Variants in SHROOM3 observed in about 807,000 individuals in gnomAD.
SHROOM3 encodes shroom family member 3.
In SHROOM3, 47 loss-of-function variants were observed where a neutral mutation model predicts 138.6. The ratio of observed to expected loss-of-function variants is 0.34; its 90% CI spans 0.27 to 0.43. The LOEUF is 0.43. Ranked by LOEUF, SHROOM3 falls within the 20% of genes least tolerant of loss-of-function variation. The pLI, the probability that SHROOM3 is intolerant of heterozygous loss-of-function variation, is 1.00. For missense variants in SHROOM3, 2,491 were observed against 2,596.5 expected, an observed-to-expected ratio of 0.96 and a Z score of 0.88; for synonymous variants, 1,062 against 1,063.3, an observed-to-expected ratio of 1.00 and a Z score of 0.02.
intron 2 of SHROOM3, among the ~76,000 whole-genome samples, chr4:76,694,361 G>C (rs932886137): frequency 1.3e-5 from 1 of 79,480 alleles, no homozygotes; most frequent in Non-Finnish European, 2.2e-5. Context: ...TAGTCTTTTT[G>C]TTTGTTTTTT....
chr4:76,532,770 A>G (rs57632092), intron 1 of SHROOM3, among the ~76,000 whole-genome samples: 18,903 of 152,152 alleles, frequency 0.12, 1,711 homozygotes, highest in African/African-American at 0.25. Flanking sequence ...AAAGTCAAGA[A>G]CTTCCACTTT....
At chr4:76,719,370 C>T (rs1720470415) in intron 3 of SHROOM3, among the ~76,000 whole-genome samples, 2 of 152,166 alleles carry the variant, frequency 1.3e-5, no homozygotes, top group Non-Finnish European at 2.9e-5. Context: ...CTTCTTTCCT[C>T]CAACAAATAA....
At chr4:76,635,911 A>G (rs1040527065) in intron 2 of SHROOM3, among the ~76,000 whole-genome samples, 1 of 152,202 alleles carries the variant, frequency 6.6e-6, no homozygotes, top group East Asian at 1.9e-4. Flanking sequence ...AGAAATACCC[A>G]TTATTGTCCT....
chr4:76,449,242 G>A (rs1486724088), intron 1 of SHROOM3, among the ~76,000 whole-genome samples: 1 of 151,900 alleles, frequency 6.6e-6, no homozygotes, highest in African/African-American at 2.4e-5. Context: ...ATTCATTTGG[G>A]GATCTCTGAG....
At chr4:76,581,845 G>A (rs1433528558) in intron 2 of SHROOM3, among the ~76,000 whole-genome samples, 2 of 152,142 alleles carry the variant, frequency 1.3e-5, no homozygotes, top group East Asian at 1.9e-4. Flanking sequence ...TGAACCCCAC[G>A]AAGTTCATTT....
intron 2 of SHROOM3, among the ~76,000 whole-genome samples, chr4:76,669,043 G>C (rs537805527): frequency 6.6e-6 from 1 of 152,170 alleles, no homozygotes; most frequent in Non-Finnish European, 1.5e-5. Flanking sequence ...ACATGGAGAC[G>C]GGATAGGGAA....
intron 1 of SHROOM3, among the ~76,000 whole-genome samples, chr4:76,518,352 T>A (rs1732487578): frequency 6.6e-6 from 1 of 152,104 alleles, no homozygotes; most frequent in Admixed American, 6.5e-5. Flanking sequence ...ACTCCATAAA[T>A]CTTTGTTGTG....
At chr4:76,755,412 G>A (rs997738009) in intron 7 of SHROOM3, among the ~76,000 whole-genome samples, 3 of 152,318 alleles carry the variant, frequency 2.0e-5, no homozygotes, top group South Asian at 2.1e-4. Flanking sequence ...TGGGACCCAA[G>A]GGGCACATTT....
chr4:76,452,808 C>G (rs1010358298), intron 1 of SHROOM3, among the ~76,000 whole-genome samples: 3 of 152,152 alleles, frequency 2.0e-5, no homozygotes. Context: ...ACCTCCGCCT[C>G]CCAGGTTCAA....
At chr4:76,765,351 C>CAA (rs35934138) in intron 9 of SHROOM3, among the ~76,000 whole-genome samples, 6 of 79,916 alleles carry the variant, frequency 7.5e-5, no homozygotes, top group Non-Finnish European at 1.1e-4. Flanking sequence ...CCCATCTCTA[C>CAA]AAAAAAAAAA....
Position 76,608,528 on chromosome 4 carries a change from G to GGCATAGCATAGCATA in SHROOM3, c.323+52835_323+52849dup, listed in dbSNP as rs66571570. Among the ~76,000 whole-genome samples, 1,094 of 113,482 alleles carry GGCATAGCATAGCATA rather than the reference G, an allele frequency of 9.6e-3. 53 individuals carry two copies. The highest frequency in any genetic ancestry group is 0.03 in the East Asian group (119 of 4,026). 74.4% of individuals were successfully genotyped at this position (113,482 alleles called of 152,430 possible). ...CTGATTTGATTGATTGGACAGAGAT[G>GGCATAGCATAGCATA]GCATAGCATAGCATAGCATAGCATA... is the stretch of plus-strand genomic sequence containing the variant. On this transcript the variant is annotated intron_variant, in intron 2 of 10. Coordinates refer to ENST00000296043, the MANE Select transcript of SHROOM3 (RefSeq NM_020859.4).
At chr4:76,619,533 C>T (rs923217969) in intron 2 of SHROOM3, among the ~76,000 whole-genome samples, 5 of 152,070 alleles carry the variant, frequency 3.3e-5, no homozygotes, top group Non-Finnish European at 7.4e-5. Flanking sequence ...GTCTTTTATT[C>T]AATTATTTTC....
chr4:76,676,930 G>T (rs1213385784), intron 2 of SHROOM3, among the ~76,000 whole-genome samples: 1 of 122,732 alleles, frequency 8.1e-6, no homozygotes, highest in East Asian at 2.3e-4. Flanking sequence ...GCGACAGAGC[G>T]AGACTCCGTC....
At chr4:76,692,405 T>C (rs1719582476) in intron 2 of SHROOM3, among the ~76,000 whole-genome samples, 1 of 152,200 alleles carries the variant, frequency 6.6e-6, no homozygotes, top group South Asian at 2.1e-4. Context: ...ATAAAACATG[T>C]TAATAAGCTA....
At chr4:76,487,578 G>A (rs996580710) in intron 1 of SHROOM3, among the ~76,000 whole-genome samples, 1 of 151,958 alleles carries the variant, frequency 6.6e-6, no homozygotes, top group Non-Finnish European at 1.5e-5. Context: ...TGGTAATTCT[G>A]GGTCCTGTAT....
intron 2 of SHROOM3, among the ~76,000 whole-genome samples, chr4:76,608,683 C>CAGCATAGCATAGCAT (rs1734695048): frequency 6.7e-5 from 2 of 29,654 alleles, no homozygotes; most frequent in African/African-American, 2.0e-4. Context: ...TAGCACAGCA[C>CAGCATAGCATAGCAT]AGCACAGCAC....
chr4:76,510,210 A>C (rs1450450390), intron 1 of SHROOM3, among the ~76,000 whole-genome samples: 4 of 152,220 alleles, frequency 2.6e-5, no homozygotes, highest in African/African-American at 9.6e-5. Flanking sequence ...TATAGTACAA[A>C]CGTGTTGAAA....
At chr4:76,600,847 T>G (rs543918734) in intron 2 of SHROOM3, among the ~76,000 whole-genome samples, 1 of 152,208 alleles carries the variant, frequency 6.6e-6, no homozygotes, top group Non-Finnish European at 1.5e-5. Flanking sequence ...GGAGTTAATA[T>G]TGTAAAAATA....
At chr4:76,627,317 C>A (rs184134302) in intron 2 of SHROOM3, among the ~76,000 whole-genome samples, 1 of 152,136 alleles carries the variant, frequency 6.6e-6, no homozygotes, top group Non-Finnish European at 1.5e-5. Context: ...CAAGTCAGAC[C>A]CTTCAGAACT....
Sources: gnomAD v4.1 joint callset for allele counts (sites outside exome capture counted in the v4.1 genomes callset) on GRCh38, gnomAD v4.1.1 for gene constraint, MANE v1.5 for transcripts, NCBI Gene and HGNC (gene_info 2026-07-23, HGNC 2026-07-21) for gene names.